C12orf42: variants seen among roughly 807,000 people sequenced by gnomAD.
C12orf42 encodes uncharacterized protein C12orf42.
Under a neutral mutation model 21.6 loss-of-function variants are expected in C12orf42, and 25 were observed. That is an observed-to-expected ratio of 1.16 (90% CI 0.84 to 1.62). The LOEUF is 1.62. C12orf42 is among the 40% of genes most tolerant of loss of function. C12orf42 has a pLI of 0.00. For synonymous variants in C12orf42, 174 were observed against 175.0 expected (o/e 0.99, Z 0.05); for missense variants, 483 against 459.3 (o/e 1.05, Z -0.47).
At chr12:103,236,835 G>A (rs2033483236), downstream of C12orf42, among the ~76,000 whole-genome samples, 1 of 152,128 alleles carries the variant, frequency 6.6e-6, no homozygotes, top group South Asian at 2.1e-4. Flanking sequence ...ACCATTTCAT[G>A]AGGTTTATCT....
the C12orf42 span, among the ~76,000 whole-genome samples, chr12:103,501,413 T>G: frequency 6.6e-6 from 1 of 152,210 alleles, no homozygotes; most frequent in Non-Finnish European, 1.5e-5. Context: ...CAGCCTCCAC[T>G]GCTGAAGGGG....
At chr12:103,522,649 T>C in the C12orf42 span, among the ~76,000 whole-genome samples, 1 of 152,184 alleles carries the variant, frequency 6.6e-6, no homozygotes. Flanking sequence ...CAGGAGACTA[T>C]TTCGAGGTAT....
At chr12:103,091,414 C>T in the C12orf42 span, among the ~76,000 whole-genome samples, 1 of 150,788 alleles carries the variant, frequency 6.6e-6, no homozygotes, top group Non-Finnish European at 1.5e-5. Flanking sequence ...CAAGAACAAA[C>T]ATTTTCTTGG....
At chr12:103,545,001 C>G in the C12orf42 span, among the ~76,000 whole-genome samples, 1 of 152,194 alleles carries the variant, frequency 6.6e-6, no homozygotes, top group East Asian at 1.9e-4. Flanking sequence ...CCACTTTCTC[C>G]AGTCCCTAAA....
At chr12:103,379,132 A>G (rs1459431400) in intron 3 of C12orf42, among the ~76,000 whole-genome samples, 4 of 152,178 alleles carry the variant, frequency 2.6e-5, no homozygotes. Flanking sequence ...ATATGTGATC[A>G]CGGTTCTAGA....
At chr12:103,334,982 A>G (rs2041566612) in intron 4 of C12orf42, among the ~76,000 whole-genome samples, 1 of 152,118 alleles carries the variant, frequency 6.6e-6, no homozygotes, top group Admixed American at 6.5e-5. Flanking sequence ...CCCCCTTTCA[A>G]GTAGGTGACA....
the C12orf42 span, among the ~76,000 whole-genome samples, chr12:103,538,222 T>G: frequency 6.6e-6 from 1 of 152,168 alleles, no homozygotes. Context: ...AGAATTCTAG[T>G]AAAGCAGAAG....
the C12orf42 span, among the ~76,000 whole-genome samples, chr12:103,136,997 C>T: frequency 6.6e-6 from 1 of 152,070 alleles, no homozygotes; most frequent in South Asian, 2.1e-4. Flanking sequence ...CTCAAGAGCA[C>T]AGGCAACAAA....
At chr12:103,079,384 G>T in the C12orf42 span, among the ~76,000 whole-genome samples, 2 of 152,272 alleles carry the variant, frequency 1.3e-5, no homozygotes, top group South Asian at 2.1e-4. Flanking sequence ...GGTTCTGAAA[G>T]TGTATAGGTC....
chr12:103,220,211 GA>G, the C12orf42 span, among the ~76,000 whole-genome samples: 1 of 152,102 alleles, frequency 6.6e-6, no homozygotes, highest in African/African-American at 2.4e-5. Context: ...GTTGAATAAT[GA>G]GAACACATGG....
chr12:103,521,657 C>T, the C12orf42 span, among the ~76,000 whole-genome samples: 2 of 152,168 alleles, frequency 1.3e-5, no homozygotes, highest in African/African-American at 4.8e-5. Flanking sequence ...CAAACCTGCA[C>T]ATCCTGCACA....
intron 2 of C12orf42, among the ~76,000 whole-genome samples, chr12:103,421,578 TATAAATAA>T (rs58157140): frequency 0.027 from 3,972 of 147,256 alleles, 72 homozygotes; most frequent in East Asian, 0.054. Flanking sequence ...TGTCAATAAA[TATAAATAA>T]ATAAATAAAT....
intron 2 of C12orf42, among the ~76,000 whole-genome samples, chr12:103,464,728 G>A (rs1305463597): frequency 1.3e-5 from 2 of 152,080 alleles, no homozygotes; most frequent in African/African-American, 2.4e-5. Flanking sequence ...AATCCATTTT[G>A]AGTTAATTTT....
At chr12:103,406,706 C>T (rs1348980545) in intron 2 of C12orf42, among the ~76,000 whole-genome samples, 1 of 152,182 alleles carries the variant, frequency 6.6e-6, no homozygotes, top group Non-Finnish European at 1.5e-5. Context: ...AGGATAAAGA[C>T]TATGAAAATG....
chr12:103,454,292 A>G (rs548970040), intron 2 of C12orf42, among the ~76,000 whole-genome samples: 1 of 152,206 alleles, frequency 6.6e-6, no homozygotes, highest in Non-Finnish European at 1.5e-5. Flanking sequence ...ATTTCACTAA[A>G]CTGGAGTTTC....
the C12orf42 span, among the ~76,000 whole-genome samples, chr12:103,544,972 A>G: frequency 3.9e-5 from 6 of 152,138 alleles, no homozygotes; most frequent in African/African-American, 1.2e-4. Context: ...CCCACTTTGA[A>G]TGGAATCCAG....
At chr12:103,259,049 T>C (rs906353727) in intron 10 of C12orf42, among the ~76,000 whole-genome samples, 9 of 152,208 alleles carry the variant, frequency 5.9e-5, no homozygotes, top group Non-Finnish European at 7.3e-5. Context: ...GTAATTAAGA[T>C]AAGTTGTTCT....
chr12:103,523,404 A>G, the C12orf42 span, among the ~76,000 whole-genome samples: 1 of 151,978 alleles, frequency 6.6e-6, no homozygotes, highest in Admixed American at 6.5e-5. Context: ...CAATAATAGT[A>G]TCCTCGTTTA....
intron 4 of C12orf42, among the ~76,000 whole-genome samples, chr12:103,277,958 T>C (rs2035873329): frequency 6.6e-6 from 1 of 152,136 alleles, no homozygotes; most frequent in Non-Finnish European, 1.5e-5. Flanking sequence ...ACAGAAAATA[T>C]CTAAATAAGT....
Sources: allele counts gnomAD v4.1 joint callset (sites outside exome capture counted in the v4.1 genomes callset), GRCh38; gene constraint gnomAD v4.1.1; transcripts MANE v1.5; gene names NCBI Gene and HGNC (gene_info 2026-07-23, HGNC 2026-07-21).